Variants in PLCXD3 observed in about 807,000 individuals in gnomAD.
PLCXD3 encodes PI-PLC X domain-containing protein 3.
In PLCXD3, 19 loss-of-function variants were observed where a neutral mutation model predicts 25.5. The observed-to-expected ratio is 0.75, with a 90% CI of 0.52 to 1.09. The LOEUF is 1.09. Among genes scored for constraint, PLCXD3 ranks in the 50% least tolerant of loss-of-function variants. The probability of loss-of-function intolerance (pLI) is 0.00; values close to 1 mark genes in which losing one functional copy is unlikely to be tolerated. For missense variants in PLCXD3, 411 were observed against 388.1 expected (o/e 1.06, Z -0.50); for synonymous variants, 174 against 137.6 (o/e 1.26, Z -1.85).
chr5:41,408,774 GCCA>G (rs1415873537), intron 1 of PLCXD3, among the ~76,000 whole-genome samples: 1 of 152,108 alleles, frequency 6.6e-6, no homozygotes, highest in Non-Finnish European at 1.5e-5. Flanking sequence ...TACCCTTGAG[GCCA>G]CCAAGCTGCA....
At chr5:41,392,113 AG>A (rs1269300799) in intron 1 of PLCXD3, among the ~76,000 whole-genome samples, 3 of 152,166 alleles carry the variant, frequency 2.0e-5, no homozygotes, top group Non-Finnish European at 2.9e-5. Context: ...GACCTACCCA[AG>A]GCCTGGGGTA....
At chr5:41,501,151 C>T (rs1044681604) in intron 1 of PLCXD3, among the ~76,000 whole-genome samples, 3 of 151,962 alleles carry the variant, frequency 2.0e-5, no homozygotes, top group Non-Finnish European at 4.4e-5. Context: ...AATGGAATTA[C>T]GTCGAAATTT....
intron 1 of PLCXD3, among the ~76,000 whole-genome samples, chr5:41,466,706 C>G (rs540491899): frequency 6.6e-6 from 1 of 152,092 alleles, no homozygotes; most frequent in South Asian, 2.1e-4. Flanking sequence ...TCCTCCCCAC[C>G]AACTCCCTGC....
intron 1 of PLCXD3, among the ~76,000 whole-genome samples, chr5:41,392,491 C>T (rs924884726): frequency 3.9e-5 from 6 of 152,172 alleles, no homozygotes; most frequent in Admixed American, 6.5e-5. Context: ...GCAGGAATCA[C>T]AGTGTTACTA....
At chr5:41,356,036 G>T (rs1744608558) in intron 2 of PLCXD3, among the ~76,000 whole-genome samples, 1 of 152,090 alleles carries the variant, frequency 6.6e-6, no homozygotes, top group African/African-American at 2.4e-5. Flanking sequence ...AGGCTGAGGT[G>T]TGTGGATCGC....
intron 1 of PLCXD3, among the ~76,000 whole-genome samples, chr5:41,476,107 CT>C: frequency 6.6e-6 from 1 of 152,184 alleles, no homozygotes; most frequent in East Asian, 1.9e-4. Context: ...ATGCATATCA[CT>C]TTCACATCAT....
intron 2 of PLCXD3, among the ~76,000 whole-genome samples, chr5:41,338,470 C>T (rs1428366902): frequency 6.6e-6 from 1 of 152,076 alleles, no homozygotes; most frequent in African/African-American, 2.4e-5. Context: ...CACACACACA[C>T]AAATCACCAA....
chr5:41,485,063 C>A (rs1165782596), intron 1 of PLCXD3, among the ~76,000 whole-genome samples: 1 of 152,148 alleles, frequency 6.6e-6, no homozygotes, highest in Non-Finnish European at 1.5e-5. Flanking sequence ...TAACTCATAA[C>A]TCATTCATTG....
chr5:41,443,415 T>A (rs1747426386), intron 1 of PLCXD3, among the ~76,000 whole-genome samples: 1 of 152,138 alleles, frequency 6.6e-6, no homozygotes, highest in Non-Finnish European at 1.5e-5. Context: ...ATAATGAAAT[T>A]GCCTAACAAT....
chr5:41,462,659 G>T (rs536640672), intron 1 of PLCXD3, among the ~76,000 whole-genome samples: 152 of 151,642 alleles, frequency 1.0e-3, no homozygotes, highest in Admixed American at 1.1e-3. Context: ...AAAAATAATG[G>T]CTATAATCCC....
At chr5:41,329,076 C>T (rs1743714116) in intron 2 of PLCXD3, among the ~76,000 whole-genome samples, 1 of 152,182 alleles carries the variant, frequency 6.6e-6, no homozygotes, top group African/African-American at 2.4e-5. Flanking sequence ...TCTTGCTCAT[C>T]TTGACCAGCC....
intron 1 of PLCXD3, among the ~76,000 whole-genome samples, chr5:41,410,861 A>C (rs917741316): frequency 1.3e-5 from 2 of 152,198 alleles, no homozygotes; most frequent in African/African-American, 4.8e-5. Context: ...GTAGCAGCTA[A>C]TTGTATAAGA....
intron 2 of PLCXD3, among the ~76,000 whole-genome samples, chr5:41,365,394 T>C (rs1580326945): frequency 6.6e-6 from 1 of 152,216 alleles, no homozygotes; most frequent in African/African-American, 2.4e-5. Flanking sequence ...TTTCTTTCCT[T>C]GGAATCCCTA....
At chr5:41,331,859 A>G (rs1417513118) in intron 2 of PLCXD3, among the ~76,000 whole-genome samples, 4 of 152,230 alleles carry the variant, frequency 2.6e-5, no homozygotes, top group Non-Finnish European at 5.9e-5. Flanking sequence ...TCCCTATTTA[A>G]TAAATGATGC....
chr5:41,379,160 G>A (rs1291431921), intron 2 of PLCXD3, among the ~76,000 whole-genome samples: 1 of 152,084 alleles, frequency 6.6e-6, no homozygotes, highest in African/African-American at 2.4e-5. Context: ...AATAGAGGGA[G>A]TTGGAGTCAG....
chr5:41,370,657 C>A, intron 2 of PLCXD3, among the ~76,000 whole-genome samples: 1 of 152,080 alleles, frequency 6.6e-6, no homozygotes, highest in South Asian at 2.1e-4. Flanking sequence ...ATCAGTAGGT[C>A]AGTCTCTGAA....
intron 1 of PLCXD3, among the ~76,000 whole-genome samples, chr5:41,393,394 A>G (rs556948054): frequency 6.6e-6 from 1 of 152,310 alleles, no homozygotes; most frequent in Non-Finnish European, 1.5e-5. Flanking sequence ...TTCATGGGCC[A>G]GGAGAAAGTG....
intron 1 of PLCXD3, among the ~76,000 whole-genome samples, chr5:41,405,124 C>G (rs905726795): frequency 5.9e-5 from 9 of 152,130 alleles, no homozygotes; most frequent in Non-Finnish European, 1.2e-4. Context: ...AGGACCAACA[C>G]TATGGTTGTT....
rs1171067589 is a variant in PLCXD3 at position 41,312,589 on chromosome 5, TCCTTCCTTCCTTCCTC to T, written c.*1012_*1027del. The T allele has an allele frequency of 5.9e-5, 8 of 136,404 alleles. No individual in the cohort carries two copies. Among genetic ancestry groups the T allele is most frequent in the African/African-American group, 8.2e-5 (3 of 36,734 alleles). 8.4% of individuals were successfully genotyped at this position (136,404 alleles called of 1,614,324 possible). On this transcript the variant is annotated 3_prime_UTR_variant, in exon 3 of 3. Transcript: ENST00000377801. ...TCTCTTCCTCCCTCCCTCCCTCTCT[TCCTTCCTTCCTTCCTC>T]CCTTCCTTCCTTCCTCCCGTCCTTC...
Sources: gnomAD v4.1 joint callset for allele counts (sites outside exome capture counted in the v4.1 genomes callset) on GRCh38, gnomAD v4.1.1 for gene constraint, MANE v1.5 for transcripts, NCBI Gene and HGNC (gene_info 2026-07-23, HGNC 2026-07-21) for gene names.